The following CDYL variants were observed in gnomAD, a reference collection of about 807,000 sequenced individuals.
CDYL encodes the protein chromodomain Y-like protein.
A neutral mutation model predicts 47.3 loss-of-function variants in CDYL; 8 were observed. The ratio of observed to expected loss-of-function variants is 0.17; its 90% CI spans 0.10 to 0.31. The LOEUF is 0.31. Ranked by LOEUF, CDYL falls within the 10% of genes least tolerant of loss-of-function variation. The pLI is 1.00. For synonymous variants in CDYL, 266 were observed against 265.0 expected, an observed-to-expected ratio of 1.00 and a Z score of -0.04; for missense variants, 471 against 701.4, an observed-to-expected ratio of 0.67 and a Z score of 3.71.
chr6:4,762,769 G>A (rs1424706654), intron 3 of CDYL, among the ~76,000 whole-genome samples: 10 of 149,124 alleles, frequency 6.7e-5, no homozygotes, highest in Admixed American at 3.4e-4. Flanking sequence ...CAAAATAATA[G>A]AAAAATCAGA....
Position 4,952,543 on chromosome 6 carries a change from G to A in CDYL, c.1476+134G>A, listed in dbSNP as rs897416881. On this transcript the variant is annotated intron_variant, in intron 6 of 6. Coordinates refer to ENST00000397588, the MANE Select transcript of CDYL (RefSeq NM_004824.4). ...ACAGAGCACCTTCCCGTGAAGTCCT[G>A]CCAGAACCTATTGCCGCCACTGCCC... 13 of 974,014 alleles carry A rather than the reference G, an allele frequency of 1.3e-5. No homozygotes were observed. The African/African-American group carries it at 2.2e-4, about 16-fold the overall frequency. The allele number at this position is 974,014 out of a possible 1,614,324, so 60.3% of individuals were successfully genotyped here.
At chr6:4,707,037 G>A (rs916262353) in intron 1 of CDYL, among the ~76,000 whole-genome samples, 1 of 152,110 alleles carries the variant, frequency 6.6e-6, no homozygotes, top group Non-Finnish European at 1.5e-5. Context: ...CAACTACCAG[G>A]TGTTTTCTAC....
At chr6:4,907,713 A>G (rs1757282802) in intron 2 of CDYL, among the ~76,000 whole-genome samples, 1 of 152,168 alleles carries the variant, frequency 6.6e-6, no homozygotes, top group Non-Finnish European at 1.5e-5. Flanking sequence ...CTCAAAACTG[A>G]TCGCAAAACC....
intron 5 of CDYL, among the ~76,000 whole-genome samples, chr6:4,946,561 G>T (rs192103798): frequency 6.6e-6 from 1 of 152,168 alleles, no homozygotes; most frequent in Non-Finnish European, 1.5e-5. Context: ...GAGGCAGGGC[G>T]CAGGTACTCA....
chr6:4,877,769 A>C (rs2127476368), intron 1 of CDYL, among the ~76,000 whole-genome samples: 1 of 152,296 alleles, frequency 6.6e-6, no homozygotes, highest in East Asian at 1.9e-4. Context: ...TAGGAGCCCT[A>C]CTTAGTACTT....
intron 1 of CDYL, among the ~76,000 whole-genome samples, chr6:4,827,612 G>A (rs1760015698): frequency 6.6e-6 from 1 of 152,132 alleles, no homozygotes; most frequent in South Asian, 2.1e-4. Context: ...TTTATGCATT[G>A]TGTGCTCAAT....
chr6:4,726,830 G>A (rs1757523499), intron 2 of CDYL, among the ~76,000 whole-genome samples: 1 of 152,152 alleles, frequency 6.6e-6, no homozygotes, highest in Non-Finnish European at 1.5e-5. Flanking sequence ...AAGTCTCCAT[G>A]TGAAGGGTGC....
chr6:4,814,158 T>A (rs1759606847), intron 1 of CDYL, among the ~76,000 whole-genome samples: 1 of 152,196 alleles, frequency 6.6e-6, no homozygotes, highest in Admixed American at 6.5e-5. Flanking sequence ...ATTTCCACAT[T>A]GAGTTAAAAT....
At chr6:4,715,063 T>C (rs9378905) in intron 1 of CDYL, among the ~76,000 whole-genome samples, 51,572 of 152,070 alleles carry the variant, frequency 0.34, 9,639 homozygotes, top group East Asian at 0.72. Context: ...AATGGCATGT[T>C]TCCATAAACC....
At chr6:4,744,352 A>G (rs1391285610) in intron 3 of CDYL, among the ~76,000 whole-genome samples, 19 of 152,068 alleles carry the variant, frequency 1.2e-4, no homozygotes, top group Non-Finnish European at 2.5e-4. Context: ...AAATAGCCAG[A>G]CGTGTGGTGC....
chr6:4,826,824 G>A (rs183831924), intron 1 of CDYL, among the ~76,000 whole-genome samples: 78 of 152,320 alleles, frequency 5.1e-4, no homozygotes, highest in Non-Finnish European at 2.9e-4. Context: ...TTGGTGAAGT[G>A]TTAGGTCTAG....
chr6:4,820,777 G>T (rs1036548093), intron 1 of CDYL, among the ~76,000 whole-genome samples: 4 of 152,198 alleles, frequency 2.6e-5, no homozygotes, highest in African/African-American at 9.7e-5. Flanking sequence ...TTAATTGCAG[G>T]TGTGGAAACA....
intron 1 of CDYL, among the ~76,000 whole-genome samples, chr6:4,819,577 T>G (rs1266886975): frequency 6.6e-6 from 1 of 152,204 alleles, no homozygotes; most frequent in Non-Finnish European, 1.5e-5. Context: ...CTCAGGTATC[T>G]GCAATTTTGT....
At chr6:4,854,086 G>GCA (rs2127464966) in intron 1 of CDYL, among the ~76,000 whole-genome samples, 1 of 152,312 alleles carries the variant, frequency 6.6e-6, no homozygotes, top group South Asian at 2.1e-4. Flanking sequence ...AGTTCACTGT[G>GCA]CACACACGGC....
intron 3 of CDYL, among the ~76,000 whole-genome samples, chr6:4,756,251 C>T (rs1240272707): frequency 2.0e-5 from 3 of 152,122 alleles, no homozygotes; most frequent in African/African-American, 7.2e-5. Flanking sequence ...AAGGTCCTTT[C>T]CCTGACAGTC....
chr6:4,875,553 G>A (rs1761597534), intron 1 of CDYL, among the ~76,000 whole-genome samples: 1 of 152,050 alleles, frequency 6.6e-6, no homozygotes, highest in African/African-American at 2.4e-5. Context: ...TATGGTAAAT[G>A]GAAATTTTAA....
intron 1 of CDYL, among the ~76,000 whole-genome samples, chr6:4,856,931 T>C (rs928401442): frequency 6.6e-6 from 1 of 152,194 alleles, no homozygotes; most frequent in African/African-American, 2.4e-5. Flanking sequence ...TGTCCATCAC[T>C]GTCTCATATG....
At chr6:4,747,814 A>G (rs185327361) in intron 3 of CDYL, among the ~76,000 whole-genome samples, 1 of 152,220 alleles carries the variant, frequency 6.6e-6, no homozygotes, top group African/African-American at 2.4e-5. Flanking sequence ...GCTTTCCCAC[A>G]GGAATCATTA....
chr6:4,948,805 G>C (rs1251918791), intron 5 of CDYL, among the ~76,000 whole-genome samples: 3 of 152,356 alleles, frequency 2.0e-5, no homozygotes, highest in Non-Finnish European at 4.4e-5. Context: ...TACACTTTCT[G>C]AGCAGAGTAT....
Sources: gnomAD v4.1 joint callset for allele counts (sites outside exome capture counted in the v4.1 genomes callset) on GRCh38, gnomAD v4.1.1 for gene constraint, MANE v1.5 for transcripts, NCBI Gene and HGNC (gene_info 2026-07-23, HGNC 2026-07-21) for gene names.